Variants in MAP2K6 observed in about 807,000 individuals in gnomAD.
The protein encoded by MAP2K6 is dual specificity mitogen-activated protein kinase kinase 6.
MAP2K6 carries 16 observed loss-of-function variants against 53.7 expected under a neutral mutation model. The ratio of observed to expected loss-of-function variants is 0.30; its 90% CI spans 0.20 to 0.45. MAP2K6 has a LOEUF of 0.45. Ranked by LOEUF, MAP2K6 falls within the 20% of genes least tolerant of loss-of-function variation. MAP2K6 has a pLI of 1.00. For missense variants in MAP2K6, 204 were observed against 411.9 expected (o/e 0.50, Z 4.37); for synonymous variants, 132 against 143.1 (o/e 0.92, Z 0.55).
intron 1 of MAP2K6, among the ~76,000 whole-genome samples, chr17:69,441,268 A>T (rs534916394): frequency 3.3e-5 from 5 of 152,184 alleles, no homozygotes; most frequent in Admixed American, 6.5e-5. Context: ...GAGATTTCAA[A>T]TGTTATATCT....
At chr17:69,490,248 TGCTCCACTGAAGA>T (rs541288126) in intron 1 of MAP2K6, among the ~76,000 whole-genome samples, 153 of 152,338 alleles carry the variant, frequency 1.0e-3, no homozygotes, top group African/African-American at 3.4e-3. Context: ...CCTCCTTCCT[TGCTCCACTGAAGA>T]GCAGGAGGGG....
rs1336134249 is a variant in MAP2K6 at position 69,518,001 on chromosome 17, C to T, written c.246+388C>T. ...GTCAGGAGTTCGAGACCAGCCTGGCCAACATAGTGAAACCTCGTCTCTACT... is the reference window on the plus strand; with the variant it reads ...GTCAGGAGTTCGAGACCAGCCTGGCTAACATAGTGAAACCTCGTCTCTACT... On this transcript the variant is annotated intron_variant, in intron 4 of 11. Coordinates refer to ENST00000590474, the MANE Select transcript of MAP2K6 (RefSeq NM_002758.4). Among the ~76,000 whole-genome samples, 7 of 152,036 alleles carry T rather than the reference C, an allele frequency of 4.6e-5. No individual in the cohort carries two copies. In the South Asian group the frequency reaches 8.3e-4, roughly 18 times the overall value.
intron 2 of MAP2K6, among the ~76,000 whole-genome samples, chr17:69,515,422 G>T (rs1910091801): frequency 6.6e-6 from 1 of 152,316 alleles, no homozygotes; most frequent in African/African-American, 2.4e-5. Context: ...CTCCCAAAGT[G>T]CTGGGATTAC....
chr17:69,519,306 C>T lies in MAP2K6; in HGVS notation c.247-7C>T, dbSNP rs200029113. ...TAACCATAAATTTTCCATGCATTTC[C>T]ATTCAGCGGATCCGAGCCACAGTAA... On this transcript the variant is annotated splice_polypyrimidine_tract_variant and splice_region_variant and intron_variant, in intron 4 of 11. Transcript: ENST00000590474. The T allele has an allele frequency of 1.2e-6, 2 of 1,612,506 alleles. No individual in the cohort carries two copies. The highest frequency in any genetic ancestry group is 4.5e-5 in the East Asian group (2 of 44,824).
Position 69,517,584 on chromosome 17 carries a change from G to A in MAP2K6, c.217G>A (p.Val73Met), listed in dbSNP as rs749769191. Residue 73 changes from valine (V) to methionine (M), a missense_variant, in exon 4 of 12, where the codon GTG becomes ATG. Val to Met is a conservative substitution (Grantham distance 21). Coordinates refer to ENST00000590474, the MANE Select transcript of MAP2K6 (RefSeq NM_002758.4). ...AYGVVEKMRH[V>M]PSGQIMAVKR... The stretch of plus-strand genomic sequence containing the variant: ...CGGGGTGGTGGAGAAGATGCGGCAC[G>A]TGCCCAGCGGGCAGATCATGGCAGT... The A allele has an allele frequency of 7.5e-6, 12 of 1,606,348 alleles. No homozygotes were observed. Among genetic ancestry groups the A allele is most frequent in the Admixed American group, 5.0e-5 (3 of 59,570 alleles).
At chr17:69,489,573 A>G (rs1908667878) in intron 1 of MAP2K6, among the ~76,000 whole-genome samples, 1 of 152,224 alleles carries the variant, frequency 6.6e-6, no homozygotes, top group South Asian at 2.1e-4. Flanking sequence ...TTCAGGAGTT[A>G]AAAAGTTAGA....
Position 69,414,961 on chromosome 17 carries a change from T to TC in MAP2K6, c.-19dup. On this transcript the variant is annotated 5_prime_UTR_variant, in exon 1 of 12. Coordinates refer to ENST00000590474, the MANE Select transcript of MAP2K6 (RefSeq NM_002758.4). ...CAAGGCAAAGTCTTTTGTGCTCCCCTCCCCCATCAAAGGAAAGGGGAAAAT... is the reference window on the plus strand; with the variant it reads ...CAAGGCAAAGTCTTTTGTGCTCCCCTCCCCCCATCAAAGGAAAGGGGAAAAT... 6.5e-7 allele frequency: 1 copy of TC among 1,545,146 alleles called. No homozygotes were observed. Among genetic ancestry groups the TC allele is most frequent in the Non-Finnish European group, 8.9e-7 (1 of 1,117,754 alleles).
rs1442130895 is a variant in MAP2K6, at chr17:69,548,713, AC to A, written c.*6961del. ...CACATTGCCACCAAATACATCACTC[AC>A]TACCTGTTCCTGGTGACTACATAGA... On this transcript the variant is annotated 3_prime_UTR_variant, in exon 12 of 12. Transcript: ENST00000590474. 6.6e-6 allele frequency: 1 copy of A among 152,170 alleles called. No homozygotes were observed. Among genetic ancestry groups the A allele is most frequent in the Non-Finnish European group, 1.5e-5 (1 of 68,034 alleles). 9.4% of individuals were successfully genotyped at this position (152,170 alleles called of 1,614,324 possible).
chr17:69,526,108 C>G (rs535389104), intron 9 of MAP2K6, among the ~76,000 whole-genome samples: 1 of 152,186 alleles, frequency 6.6e-6, no homozygotes, highest in South Asian at 2.1e-4. Context: ...TTTCTCAAGT[C>G]CAAAAAAAGA....
chr17:69,493,432 A>C lies in MAP2K6; in HGVS notation c.17-12348A>C, dbSNP rs148322222. ...GATGACTTGAACAGGGAGTTCACAG[A>C]AAAATGAATACAGATGACAGTGGAT... On this transcript the variant is annotated intron_variant, in intron 1 of 11. Transcript: ENST00000590474. 8.3e-3 allele frequency among the ~76,000 whole-genome samples: 1,259 copies of C among 152,292 alleles called. 66 individuals are homozygous for C. Among genetic ancestry groups the C allele is most frequent in the Admixed American group, 0.074 (1,127 of 15,288 alleles).
At position 69,519,333 on chromosome 17, in the gene MAP2K6, T is replaced by C. The variant is rs756247491; in HGVS notation, c.267T>C (p.Asn89=). 1 of 1,613,688 alleles carries C rather than the reference T, an allele frequency of 6.2e-7. No homozygotes were observed. The highest frequency in any genetic ancestry group is 8.5e-7 in the Non-Finnish European group (1 of 1,179,818). ...TTCAGCGGATCCGAGCCACAGTAAA[T>C]AGCCAGGAACAGAAACGGCTACTGA... The part of the protein sequence containing the change: ...MAVKRIRATV[N]SQEQKRLLMD... The change falls in exon 5 of 12, where the codon AAT becomes AAC. Residue 89 remains asparagine (N), a synonymous_variant. Transcript: ENST00000590474.
At chr17:69,523,443 C>T in intron 7 of MAP2K6, 71 bp from the exon 8 acceptor site, 3 of 1,590,876 alleles carry the variant, frequency 1.9e-6, no homozygotes, top group East Asian at 2.3e-5. Context: ...GATTTTAGGC[C>T]CTCTGGTGGC....
chr17:69,466,057 G>T (rs1349311150), intron 1 of MAP2K6, among the ~76,000 whole-genome samples: 2 of 150,094 alleles, frequency 1.3e-5, no homozygotes, highest in Admixed American at 1.3e-4. Context: ...TGGATCACCT[G>T]AGGCCAATAG....
In MAP2K6 at chr17:69,520,404, C is replaced by T. The variant is rs1184709660; in HGVS notation, c.483+18C>T. On this transcript the variant is annotated intron_variant, in intron 6 of 11. Transcript: ENST00000590474. ...CAGTTTCTGTGAGTACATTTTGATC[C>T]CTACTGCAAGGATAATGTGAGAAAT... 7.1e-7 allele frequency: 1 copy of T among 1,412,432 alleles called. No homozygotes were observed. Among genetic ancestry groups the T allele is most frequent in the Non-Finnish European group, 9.9e-7 (1 of 1,009,142 alleles). 87.5% of individuals were successfully genotyped at this position (1,412,432 alleles called of 1,614,324 possible). A position where few individuals can be genotyped will look rare whatever the true frequency, so the allele number is the denominator to read the frequency against.
At position 69,545,059 on chromosome 17, in the gene MAP2K6, T is replaced by G. The variant is rs1911822634; in HGVS notation, c.*3306T>G. On this transcript the variant is annotated 3_prime_UTR_variant, in exon 12 of 12. Transcript: ENST00000590474. ...TTTGACAATTTCTAGAAGTTAAATC[T>G]TCCCTCAGAGCTGGAGTTTTAGCAT... is the stretch of plus-strand genomic sequence containing the variant. The G allele has an allele frequency of 6.6e-6, 1 of 152,238 alleles. No homozygotes were observed. Among genetic ancestry groups the G allele is most frequent in the African/African-American group, 2.4e-5 (1 of 41,470 alleles). The allele number at this position is 152,238 out of a possible 1,614,324, so 9.4% of individuals were successfully genotyped here. A position where few individuals can be genotyped will look rare whatever the true frequency, so the allele number is the denominator to read the frequency against.
rs928685185 is a variant in MAP2K6, at chr17:69,494,738, G to T, written c.17-11042G>T. Among the ~76,000 whole-genome samples the T allele has an allele frequency of 2.6e-5, 4 of 152,052 alleles. No individual in the cohort carries two copies. The highest frequency in any genetic ancestry group is 9.7e-5 in the African/African-American group (4 of 41,388). On this transcript the variant is annotated intron_variant, in intron 1 of 11. Coordinates refer to ENST00000590474, the MANE Select transcript of MAP2K6 (RefSeq NM_002758.4). This position sits in a 1 kb window ranked among gnomAD's most constrained non-coding sequence, Gnocchi z 4.2. ...TTAAAATTGTGGGCCGGGCGTGGTG[G>T]CTCATGCCTGTAATCCCAGCACTTT...
Position 69,543,247 on chromosome 17 carries a change from A to T in MAP2K6, c.*1494A>T, listed in dbSNP as rs555724978. 5 of 152,264 alleles carry T rather than the reference A, an allele frequency of 3.3e-5. No individual in the cohort carries two copies. Among genetic ancestry groups the T allele is most frequent in the African/African-American group, 1.2e-4 (5 of 41,562 alleles). The allele number at this position is 152,264 out of a possible 1,614,324, so 9.4% of individuals were successfully genotyped here. A position where few individuals can be genotyped will look rare whatever the true frequency, so the allele number is the denominator to read the frequency against. ...GGTTTTGATTTTAAAAAGAAGAAAAAAAAACCTTATTTTTTCTTTCTTGGC... is the reference window on the plus strand; with the variant it reads ...GGTTTTGATTTTAAAAAGAAGAAAATAAAACCTTATTTTTTCTTTCTTGGC... On this transcript the variant is annotated 3_prime_UTR_variant, in exon 12 of 12. Coordinates refer to ENST00000590474, the MANE Select transcript of MAP2K6 (RefSeq NM_002758.4).
intron 1 of MAP2K6, among the ~76,000 whole-genome samples, chr17:69,493,228 T>C (rs1401076626): frequency 6.6e-6 from 1 of 152,022 alleles, no homozygotes; most frequent in Non-Finnish European, 1.5e-5. Context: ...TTTTACCTTA[T>C]GAAAATGCAG....
chr17:69,427,003 G>A (rs971802751), intron 1 of MAP2K6, among the ~76,000 whole-genome samples: 7 of 152,210 alleles, frequency 4.6e-5, no homozygotes, highest in East Asian at 3.9e-4. Flanking sequence ...AAATCTAGAG[G>A]TTAATAGTTA....
Sources: allele counts gnomAD v4.1 joint callset (sites outside exome capture counted in the v4.1 genomes callset), GRCh38; gene constraint gnomAD v4.1.1; non-coding constraint Gnocchi (gnomAD v3.1); transcripts MANE v1.5; gene names NCBI Gene and HGNC (gene_info 2026-07-23, HGNC 2026-07-21).